Variants in RPS6KA4 observed in about 807,000 individuals in gnomAD.
RPS6KA4 encodes ribosomal protein S6 kinase alpha-4.
A neutral mutation model predicts 89.6 loss-of-function variants in RPS6KA4; 38 were observed. The ratio of observed to expected loss-of-function variants is 0.42; its 90% CI spans 0.33 to 0.56. RPS6KA4 has a LOEUF of 0.56. RPS6KA4 is among the 20% of genes least tolerant of loss of function. RPS6KA4 has a pLI of 0.07. For synonymous variants in RPS6KA4, 495 were observed against 492.8 expected, an observed-to-expected ratio of 1.00 and a Z score of -0.06; for missense variants, 873 against 1,098.8, an observed-to-expected ratio of 0.79 and a Z score of 2.90.
chr11:64,367,998 C>T (rs1268816315), intron 9 of RPS6KA4, 134 bp from the exon 10 acceptor site: 1 of 853,664 alleles, frequency 1.2e-6, no homozygotes, highest in East Asian at 2.6e-5. Flanking sequence ...CTGTGTGTAC[C>T]AGAATGCAAC....
rs79308791 is a variant in RPS6KA4, at chr11:64,361,097, G to A, written c.463-37G>A. The A allele has an allele frequency of 3.3e-4, 519 of 1,577,532 alleles. 1 individual carries two copies. In the African/African-American group the frequency reaches 3.9e-3, roughly 12 times the overall value. ...AGCTGGAGGAGCTGGGGAGGGTTTC[G>A]GGGAGGAAGCCTCAGCACCCCTCTT... On this transcript the variant is annotated intron_variant, in intron 4 of 16. Transcript: ENST00000334205. This position sits in a 1 kb window ranked among gnomAD's most constrained non-coding sequence, Gnocchi z 4.7.
intron 2 of RPS6KA4, chr11:64,359,848 C>CT: frequency 1.8e-6 from 1 of 546,958 alleles, no homozygotes. Context: ...CTTCCTTGCA[C>CT]TGGCATCTTT....
chr11:64,367,376 T>C (rs1426235773), intron 9 of RPS6KA4, among the ~76,000 whole-genome samples: 1 of 152,186 alleles, frequency 6.6e-6, no homozygotes, highest in Admixed American at 6.5e-5. Flanking sequence ...AATGGCATGA[T>C]ATCGGCTCAC....
chr11:64,368,177 G>A lies in RPS6KA4; in HGVS notation c.1117G>A (p.Ala373Thr), dbSNP rs753939915. The A allele has an allele frequency of 6.2e-7, 1 of 1,613,596 alleles. No homozygotes were observed. The highest frequency in any genetic ancestry group is 8.5e-7 in the Non-Finnish European group (1 of 1,180,030). ...CTCCATTCTCTTTGACCACAACAAC[G>A]CGGTGATGACCGATGGGCTGGAAGC... Reference protein sequence around the residue: ...APSILFDHNNAVMTDGLEAPG... With the variant: ...APSILFDHNNTVMTDGLEAPG... Residue 373 changes from alanine (A) to threonine (T), a missense_variant, in exon 10 of 17, where the codon GCG becomes ACG. Physicochemically the swap from Ala to Thr is moderately conservative, Grantham distance 58. This residue lies in a region of RPS6KA4 where 542 missense variants were observed against 736.4 expected (regional missense o/e 0.74). Coordinates refer to ENST00000334205, the MANE Select transcript of RPS6KA4 (RefSeq NM_003942.3).
chr11:64,371,623 A>C lies in RPS6KA4; in HGVS notation c.*143A>C, dbSNP rs1342912375. On this transcript the variant is annotated 3_prime_UTR_variant, in exon 17 of 17. Coordinates refer to ENST00000334205, the MANE Select transcript of RPS6KA4 (RefSeq NM_003942.3). ...ACCCCACCCCACTCCCAGACAGAGCAGAAGTATTTTTATAAGCAGAGAATT... is the reference window on the plus strand; with the variant it reads ...ACCCCACCCCACTCCCAGACAGAGCCGAAGTATTTTTATAAGCAGAGAATT... 1 of 541,964 alleles carries C rather than the reference A, an allele frequency of 1.8e-6. No individual in the cohort carries two copies. Among genetic ancestry groups the C allele is most frequent in the African/African-American group, 2.0e-5 (1 of 51,034 alleles). The allele number at this position is 541,964 out of a possible 1,614,324, so 33.6% of individuals were successfully genotyped here. A position where few individuals can be genotyped will look rare whatever the true frequency, so the allele number is the denominator to read the frequency against.
rs1318280282 is a variant in RPS6KA4 at position 64,369,763 on chromosome 11, G to T, written c.1667G>T (p.Arg556Leu). Residue 556 changes from arginine to leucine, a missense_variant, in exon 14 of 17, where the codon CGG becomes CTG. Arg to Leu is a moderately radical substitution (Grantham distance 102, BLOSUM62 -2). Coordinates refer to ENST00000334205, the MANE Select transcript of RPS6KA4 (RefSeq NM_003942.3). ...AAAATCATCGACTTCGGGTTCGCGC[G>T]GTTGCGGCCGCAGAGTCCCGGGGTG... ...PVKIIDFGFARLRPQSPGVPM... is the reference protein window; with the variant it reads ...PVKIIDFGFALLRPQSPGVPM... The T allele has an allele frequency of 1.2e-6, 2 of 1,611,580 alleles. No homozygotes were observed. Among genetic ancestry groups the T allele is most frequent in the Non-Finnish European group, 1.7e-6 (2 of 1,179,432 alleles).
At position 64,371,752 on chromosome 11, in the gene RPS6KA4, C is replaced by A; in HGVS notation, c.*272C>A. Reference sequence around the variant, plus strand: ...CACTGCCTCTTCTGGGCAGAAGGCCCCTCCAGGGGGACTGCTCCAACAGGA... The same window carrying A: ...CACTGCCTCTTCTGGGCAGAAGGCCACTCCAGGGGGACTGCTCCAACAGGA... On this transcript the variant is annotated 3_prime_UTR_variant, in exon 17 of 17. Coordinates refer to ENST00000334205, the MANE Select transcript of RPS6KA4 (RefSeq NM_003942.3). 2.7e-6 allele frequency: 1 copy of A among 363,886 alleles called. No homozygotes were observed. The highest frequency in any genetic ancestry group is 5.0e-5 in the South Asian group (1 of 19,820). The allele number at this position is 363,886 out of a possible 1,614,324, so 22.5% of individuals were successfully genotyped here. A position where few individuals can be genotyped will look rare whatever the true frequency, so the allele number is the denominator to read the frequency against.
At chr11:64,367,224 C>T (rs1325600329) in intron 9 of RPS6KA4, among the ~76,000 whole-genome samples, 1 of 152,204 alleles carries the variant, frequency 6.6e-6, no homozygotes, top group Non-Finnish European at 1.5e-5. Flanking sequence ...TGGCTCACTG[C>T]AATCTTGAAC....
chr11:64,366,768 C>G (rs531972654), intron 9 of RPS6KA4, among the ~76,000 whole-genome samples: 1 of 152,342 alleles, frequency 6.6e-6, no homozygotes, highest in East Asian at 1.9e-4. Flanking sequence ...GGGGGTCACC[C>G]TTTCTTTGTG....
chr11:64,370,609 G>C lies in RPS6KA4; in HGVS notation c.2004G>C (p.Leu668=). ...DPAKRLKLEG[L]RGSSWLQDGS... is the part of the protein sequence containing the mutation. Reference sequence around the variant, plus strand: ...CCAAGCGGCTGAAGCTCGAGGGACTGCGGGGCAGCTCGTGGCTGCAGGACG... The same window carrying C: ...CCAAGCGGCTGAAGCTCGAGGGACTCCGGGGCAGCTCGTGGCTGCAGGACG... Residue 668 remains leucine, a synonymous_variant, in exon 16 of 17, where the codon CTG becomes CTC. Transcript: ENST00000334205. This position sits in a 1 kb window ranked among gnomAD's most constrained non-coding sequence, Gnocchi z 4.1. 5.0e-6 allele frequency: 8 copies of C among 1,586,184 alleles called. No homozygotes were observed. The highest frequency in any genetic ancestry group is 6.8e-6 in the Non-Finnish European group (8 of 1,173,158).
rs2036668266 is a variant in RPS6KA4, at chr11:64,359,239, G to A, written c.4G>A (p.Gly2Arg). Residue 2 changes from glycine to arginine, a missense_variant, in exon 1 of 17, where the codon GGG becomes AGG. Transcript: ENST00000334205. ...GGGCCCCAGCGACCCGCCCGCCATG[G>A]GGGACGAGGACGACGATGAGAGCTG... MGDEDDDESCAV... is the reference protein window; with the variant it reads MRDEDDDESCAV... The A allele has an allele frequency of 4.3e-6, 6 of 1,389,828 alleles. No homozygotes were observed. Among genetic ancestry groups the A allele is most frequent in the Non-Finnish European group, 5.7e-6 (6 of 1,061,098 alleles). 86.1% of individuals were successfully genotyped at this position (1,389,828 alleles called of 1,614,324 possible). A position where few individuals can be genotyped will look rare whatever the true frequency, so the allele number is the denominator to read the frequency against.
At chr11:64,360,843 G>C in intron 4 of RPS6KA4, 1 of 575,142 alleles carries the variant, frequency 1.7e-6, no homozygotes, top group Admixed American at 3.2e-5. Flanking sequence ...TGCGTTCACA[G>C]AACTTCCTCA....
In RPS6KA4 at chr11:64,359,434, G is replaced by T; in HGVS notation, c.112G>T (p.Val38Leu). The change falls in exon 2 of 17, where the codon GTG (valine) becomes TTG (leucine). Residue 38 changes from valine to leucine, a missense_variant. This residue lies in a region of RPS6KA4 where 49 missense variants were observed against 51.9 expected (regional missense o/e 0.94). Coordinates refer to ENST00000334205, the MANE Select transcript of RPS6KA4 (RefSeq NM_003942.3). Reference sequence around the variant, plus strand: ...CGTGGAGAACTTCGAGCTGCTCAAGGTGCTGGGCACGGGAGGTGAGGACCC... The same window carrying T: ...CGTGGAGAACTTCGAGCTGCTCAAGTTGCTGGGCACGGGAGGTGAGGACCC... ...VSVENFELLK[V>L]LGTGAYGKVF... 6.2e-7 allele frequency: 1 copy of T among 1,613,654 alleles called. No homozygotes were observed. Among genetic ancestry groups the T allele is most frequent in the Non-Finnish European group, 8.5e-7 (1 of 1,179,786 alleles).
Position 64,361,894 on chromosome 11 carries a change from GC to G in RPS6KA4, c.801del (p.Val268TrpfsTer107). ...CSPPFPPRIG[P>X]VAQDLLQRLL... ...CCCCTCCCTTCCCCCCTCGGATCGGGCCCGTGGCGCAGGACCTGCTGCAGCG... is the reference window on the plus strand; with the variant it reads ...CCCCTCCCTTCCCCCCTCGGATCGGGCCGTGGCGCAGGACCTGCTGCAGCG... On this transcript the variant is annotated frameshift_variant, in exon 8 of 17. Transcript: ENST00000334205. LOFTEE classifies it high-confidence loss of function. This position sits in a 1 kb window ranked among gnomAD's most constrained non-coding sequence, Gnocchi z 4.7. 1 of 1,613,084 alleles carries G rather than the reference GC, an allele frequency of 6.2e-7. No individual in the cohort carries two copies. Among genetic ancestry groups the G allele is most frequent in the South Asian group, 1.1e-5 (1 of 91,076 alleles).
chr11:64,360,387 C>G lies in RPS6KA4; in HGVS notation c.346+6C>G. The G allele has an allele frequency of 6.4e-7, 1 of 1,553,168 alleles. No individual in the cohort carries two copies. The highest frequency in any genetic ancestry group is 8.7e-7 in the Non-Finnish European group (1 of 1,148,228). On this transcript the variant is annotated splice_donor_region_variant and intron_variant, in intron 3 of 16. Coordinates refer to ENST00000334205, the MANE Select transcript of RPS6KA4 (RefSeq NM_003942.3). ...CAAGCTGCACCTCATCCTGGGTGAG[C>G]GCACACCACATCCCAACGGGGTTGG...
rs1291878532 is a variant in RPS6KA4, at chr11:64,360,193, C to T, written c.158C>T (p.Ala53Val). ...GGCAAGGTGTTCCTGGTGCGGAAGG[C>T]GGGCGGGCACGACGCGGGGAAGCTG... ...AYGKVFLVRKAGGHDAGKLYA... is the reference protein window; with the variant it reads ...AYGKVFLVRKVGGHDAGKLYA... The change falls in exon 3 of 17, where the codon GCG becomes GTG. Residue 53 changes from alanine (A) to valine (V), a missense_variant. Ala to Val is a moderately conservative substitution (Grantham distance 64). Transcript: ENST00000334205. 3.9e-6 allele frequency: 6 copies of T among 1,547,892 alleles called. No homozygotes were observed. The highest frequency in any genetic ancestry group is 1.4e-5 in the African/African-American group (1 of 73,112).
In RPS6KA4 at chr11:64,369,870, C is replaced by G. The variant is rs1277967478; in HGVS notation, c.1774C>G (p.Leu592Val). 9 of 1,553,542 alleles carry G rather than the reference C, an allele frequency of 5.8e-6. No individual in the cohort carries two copies. The highest frequency in any genetic ancestry group is 3.7e-4 in the Middle Eastern group (2 of 5,342). ...GCAGGGCTACGACGAGTCCTGCGAC[C>G]TCTGGAGCCTGGGCGTCATTCTGGT... Reference protein sequence around the residue: ...AQQGYDESCDLWSLGVILYMM... With the variant: ...AQQGYDESCDVWSLGVILYMM... The change falls in exon 14 of 17, where the codon CTC (leucine) becomes GTC (valine). Residue 592 changes from leucine (L) to valine (V), a missense_variant. By Grantham distance (32) the Leu-to-Val change is conservative. Transcript: ENST00000334205.
In RPS6KA4 at chr11:64,368,573, G is replaced by A. The variant is rs1281800303; in HGVS notation, c.1306G>A (p.Glu436Lys). 2 of 1,600,364 alleles carry A rather than the reference G, an allele frequency of 1.2e-6. No homozygotes were observed. The highest frequency in any genetic ancestry group is 2.7e-5 in the African/African-American group (2 of 74,830). ...RRCRQRQSGQEFAVKILSRRL... is the reference protein window; with the variant it reads ...RRCRQRQSGQKFAVKILSRRL... ...CTGCCGCCAGCGCCAGAGCGGCCAG[G>A]AGTTCGCAGTCAAGATCCTCAGTCG... Residue 436 changes from glutamate to lysine, a missense_variant, in exon 11 of 17, where the codon GAG becomes AAG. Transcript: ENST00000334205.
intron 2 of RPS6KA4, chr11:64,359,706 C>T: frequency 1.8e-6 from 1 of 562,770 alleles, no homozygotes; most frequent in Non-Finnish European, 3.2e-6. Flanking sequence ...GGGAGGGGGA[C>T]TGGCGCCCCT....
Sources: allele counts gnomAD v4.1 joint callset (sites outside exome capture counted in the v4.1 genomes callset), GRCh38; gene constraint gnomAD v4.1.1; regional missense constraint gnomAD v4.1.1; non-coding constraint Gnocchi (gnomAD v3.1); transcripts MANE v1.5; gene names NCBI Gene and HGNC (gene_info 2026-07-23, HGNC 2026-07-21).